Variants in NNT observed in about 807,000 individuals in gnomAD.
NNT encodes the protein nicotinamide nucleotide transhydrogenase.
NNT carries 50 observed loss-of-function variants against 104.8 expected under a neutral mutation model. The observed-to-expected ratio is 0.48, with a 90% confidence interval of 0.38 to 0.60. The LOEUF is 0.60. Ranked by LOEUF, NNT falls within the 20% of genes least tolerant of loss-of-function variation. The probability of loss-of-function intolerance (pLI) is 0.00; values close to 1 mark genes in which losing one functional copy is unlikely to be tolerated. For missense variants in NNT, 1,131 were observed against 1,330.7 expected (o/e 0.85, Z 2.33); for synonymous variants, 461 against 490.4 (o/e 0.94, Z 0.79).
At chr5:43,657,154 A>C (rs1184780896) in intron 16 of NNT, among the ~76,000 whole-genome samples, 3 of 152,202 alleles carry the variant, frequency 2.0e-5, no homozygotes, top group Non-Finnish European at 4.4e-5. Context: ...AAGCCCTACA[A>C]AATAGTGCTT....
rs1750301484 is a variant in NNT, at chr5:43,625,280, A to G, written c.776+1160A>G. ...GTGGTGGGTGAACTACTGAGAATTTAGTATATTGATGTCATTTTTTAGATT... is the reference window on the plus strand; with the variant it reads ...GTGGTGGGTGAACTACTGAGAATTTGGTATATTGATGTCATTTTTTAGATT... On this transcript the variant is annotated intron_variant, in intron 6 of 21. Transcript: ENST00000344920. 1.3e-5 allele frequency among the ~76,000 whole-genome samples: 2 copies of G among 152,158 alleles called. 1 individual carries two copies. Among genetic ancestry groups the G allele is most frequent in the African/African-American group, 4.8e-5 (2 of 41,548 alleles).
intron 17 of NNT, 53 bp downstream of exon 17, chr5:43,659,403 G>C: frequency 7.1e-7 from 1 of 1,401,600 alleles, no homozygotes; most frequent in Non-Finnish European, 9.8e-7. Flanking sequence ...TGAAAACATG[G>C]ATGTGCATGT....
chr5:43,696,328 A>G (rs900042604), intron 19 of NNT, among the ~76,000 whole-genome samples: 2 of 152,212 alleles, frequency 1.3e-5, no homozygotes, highest in Admixed American at 6.5e-5. Context: ...TTTTGACTCC[A>G]TGCCTCACAT....
chr5:43,629,120 C>T (rs1337222874), intron 7 of NNT, among the ~76,000 whole-genome samples: 1 of 152,148 alleles, frequency 6.6e-6, no homozygotes, highest in Non-Finnish European at 1.5e-5. Context: ...GCAGTATACA[C>T]TGTACACAAT....
chr5:43,606,104 G>C (rs1031479993), intron 1 of NNT, among the ~76,000 whole-genome samples: 1 of 152,118 alleles, frequency 6.6e-6, no homozygotes, highest in Non-Finnish European at 1.5e-5. Context: ...GGTTCAGGTC[G>C]AACAGTAAGT....
In NNT at chr5:43,615,935, C is replaced by G; in HGVS notation, c.469C>G (p.Pro157Ala). The change falls in exon 4 of 22, where the codon CCA becomes GCA. Residue 157 changes from proline to alanine, a missense_variant. By Grantham distance (27) the Pro-to-Ala change is conservative (BLOSUM62 -1). Coordinates refer to ENST00000344920, the MANE Select transcript of NNT (RefSeq NM_182977.3). ...TSGTLISFIY[P>A]AQNPELLNKL... ...AGGAACGCTGATTAGTTTTATTTAC[C>G]CAGCCCAAAATCCAGAGTTGCTAAA... is the stretch of plus-strand genomic sequence containing the variant. 1.9e-6 allele frequency: 3 copies of G among 1,613,972 alleles called. No homozygotes were observed. The highest frequency in any genetic ancestry group is 2.5e-6 in the Non-Finnish European group (3 of 1,179,964).
intron 17 of NNT, chr5:43,667,120 T>G (rs1321616449): frequency 1.3e-6 from 2 of 1,515,208 alleles, no homozygotes; most frequent in Non-Finnish European, 1.8e-6. Context: ...CCTCAGGAAC[T>G]TGGGGTCCAC....
At chr5:43,680,618 T>C (rs1320734726) in intron 19 of NNT, among the ~76,000 whole-genome samples, 1 of 152,238 alleles carries the variant, frequency 6.6e-6, no homozygotes. Context: ...TCTGGCTTCA[T>C]GGCCCATGAT....
At chr5:43,645,038 GAACA>G (rs1197289193) in intron 9 of NNT, among the ~76,000 whole-genome samples, 1 of 152,130 alleles carries the variant, frequency 6.6e-6, no homozygotes, top group Non-Finnish European at 1.5e-5. Flanking sequence ...AAACGGAGAT[GAACA>G]AACAAATTGA....
intron 10 of NNT, among the ~76,000 whole-genome samples, chr5:43,646,307 A>C (rs1208860639): frequency 6.6e-6 from 1 of 152,130 alleles, no homozygotes. Flanking sequence ...TATTTTTGAG[A>C]CAGAATCTTT....
At chr5:43,652,012 C>A (rs966355917) in intron 13 of NNT, 128 bp downstream of exon 13, 1 of 985,192 alleles carries the variant, frequency 1.0e-6, no homozygotes, top group Non-Finnish European at 1.5e-6. Flanking sequence ...ACAACAATAA[C>A]CCTAGAAACA....
rs571755812 is a variant in NNT, at chr5:43,659,727, A to C, written c.2634+377A>C. ...GGGTGACATAGCGAGACTCCATCTC[A>C]AAAGAAAAAAAAAAGAGTATGGTAG... is the stretch of plus-strand genomic sequence containing the variant. On this transcript the variant is annotated intron_variant, in intron 17 of 21. Coordinates refer to ENST00000344920, the MANE Select transcript of NNT (RefSeq NM_182977.3). Among the ~76,000 whole-genome samples, 4 of 152,226 alleles carry C rather than the reference A, an allele frequency of 2.6e-5. No individual in the cohort carries two copies. In the East Asian group the frequency reaches 7.7e-4, roughly 29 times the overall value.
chr5:43,636,237 G>A (rs954842012), intron 7 of NNT, among the ~76,000 whole-genome samples: 5 of 152,128 alleles, frequency 3.3e-5, no homozygotes, highest in Non-Finnish European at 7.4e-5. Context: ...TTCCATTGGC[G>A]ATGCCTCGTC....
chr5:43,696,075 A>G (rs1404991582), intron 19 of NNT, among the ~76,000 whole-genome samples: 1 of 152,022 alleles, frequency 6.6e-6, no homozygotes, highest in East Asian at 1.9e-4. Flanking sequence ...CCATCCCCCA[A>G]ATTATTAACT....
At chr5:43,691,433 A>C (rs1210675326) in intron 19 of NNT, among the ~76,000 whole-genome samples, 1 of 151,924 alleles carries the variant, frequency 6.6e-6, no homozygotes, top group African/African-American at 2.4e-5. Context: ...GTTGTTAGCT[A>C]TTTTGTCTTT....
intron 17 of NNT, among the ~76,000 whole-genome samples, chr5:43,673,625 G>A (rs1327130550): frequency 6.6e-6 from 1 of 152,208 alleles, no homozygotes; most frequent in Non-Finnish European, 1.5e-5. Flanking sequence ...CGTCTCAGAT[G>A]TGGCTATTTG....
chr5:43,706,376 C>T lies in NNT; in HGVS notation c.*1972C>T, dbSNP rs1189260766. ...TAAGTCATACAATTGGTAGATATGA[C>T]TTATTTTATTTTTGTATTATTCACT... is the stretch of plus-strand genomic sequence containing the variant. On this transcript the variant is annotated 3_prime_UTR_variant, in exon 22 of 22. Coordinates refer to ENST00000344920, the MANE Select transcript of NNT (RefSeq NM_182977.3). 2.0e-5 allele frequency: 3 copies of T among 150,876 alleles called. No homozygotes were observed. Among genetic ancestry groups the T allele is most frequent in the East Asian group, 1.9e-4 (1 of 5,164 alleles). 9.3% of individuals were successfully genotyped at this position (150,876 alleles called of 1,614,324 possible). A position where few individuals can be genotyped will look rare whatever the true frequency, so the allele number is the denominator to read the frequency against.
chr5:43,636,258 T>C (rs1199640807), intron 7 of NNT, among the ~76,000 whole-genome samples: 2 of 152,200 alleles, frequency 1.3e-5, no homozygotes, highest in African/African-American at 4.8e-5. Flanking sequence ...TTCTGGATGG[T>C]ACCCAGGACA....
intron 13 of NNT, 95 bp from the exon 14 acceptor site, chr5:43,652,923 G>T: frequency 2.3e-6 from 2 of 884,424 alleles, no homozygotes; most frequent in Admixed American, 2.7e-5. Flanking sequence ...TATTTAATAT[G>T]TTAATATTCC....
Sources: gnomAD v4.1 joint callset for allele counts (sites outside exome capture counted in the v4.1 genomes callset) on GRCh38, gnomAD v4.1.1 for gene constraint, MANE v1.5 for transcripts, NCBI Gene and HGNC (gene_info 2026-07-23, HGNC 2026-07-21) for gene names.